The following SYT9 variants were observed in gnomAD, a reference collection of about 807,000 sequenced individuals.
The protein encoded by SYT9 is synaptotagmin 9, also known as synaptotagmin-9.
In SYT9, 22 loss-of-function variants were observed where a neutral mutation model predicts 48.4. The ratio of observed to expected loss-of-function variants is 0.45; its 90% CI spans 0.32 to 0.65. SYT9 has a LOEUF of 0.65. Among genes scored for constraint, SYT9 ranks in the 30% least tolerant of loss-of-function variants. SYT9 has a pLI of 0.03. For missense variants in SYT9, 577 were observed against 622.0 expected (o/e 0.93, Z 0.77); for synonymous variants, 265 against 245.0 (o/e 1.08, Z -0.76).
At chr11:7,438,058 G>GGT (rs1378541335) in intron 6 of SYT9, 1 of 152,200 alleles carries the variant, frequency 6.6e-6, no homozygotes, top group African/African-American at 2.4e-5. Flanking sequence ...TAAAGAGTCT[G>GGT]GTGGGGGAGT....
At chr11:7,369,088 C>T (rs571348295) in intron 3 of SYT9, among the ~76,000 whole-genome samples, 1 of 152,338 alleles carries the variant, frequency 6.6e-6, no homozygotes, top group Admixed American at 6.5e-5. Flanking sequence ...AACTAATTTA[C>T]ACTCCCATCA....
At chr11:7,296,253 G>A (rs1848805476) in intron 1 of SYT9, among the ~76,000 whole-genome samples, 1 of 152,170 alleles carries the variant, frequency 6.6e-6, no homozygotes, top group Non-Finnish European at 1.5e-5. Context: ...ATGTTAAAAT[G>A]CATATCTTGA....
chr11:7,380,212 T>A (rs1394690223), intron 3 of SYT9, among the ~76,000 whole-genome samples: 5 of 152,082 alleles, frequency 3.3e-5, no homozygotes, highest in African/African-American at 1.2e-4. Context: ...ACATCATATG[T>A]TCTTATTTGT....
intron 1 of SYT9, among the ~76,000 whole-genome samples, chr11:7,254,131 G>T (rs953640216): frequency 2.0e-5 from 3 of 152,140 alleles, no homozygotes; most frequent in African/African-American, 7.2e-5. Flanking sequence ...CACTAAGTAG[G>T]CTTCTTACAA....
chr11:7,310,981 G>C (rs1849122746), intron 2 of SYT9, among the ~76,000 whole-genome samples: 1 of 152,156 alleles, frequency 6.6e-6, no homozygotes, highest in African/African-American at 2.4e-5. Flanking sequence ...CTACTAAGTA[G>C]CCAAATCCAT....
chr11:7,390,951 G>A (rs1407062239), intron 3 of SYT9, among the ~76,000 whole-genome samples: 1 of 152,092 alleles, frequency 6.6e-6, no homozygotes, highest in Non-Finnish European at 1.5e-5. Flanking sequence ...TGTCCAATAG[G>A]AAGCTTTTCG....
intron 1 of SYT9, among the ~76,000 whole-genome samples, chr11:7,239,076 C>G (rs532416286): frequency 6.6e-6 from 1 of 152,194 alleles, no homozygotes; most frequent in South Asian, 2.1e-4. Context: ...CTGATTTACT[C>G]CAGGATATTC....
intron 3 of SYT9, among the ~76,000 whole-genome samples, chr11:7,343,106 G>A (rs1564869737): frequency 6.6e-6 from 1 of 152,206 alleles, no homozygotes; most frequent in Non-Finnish European, 1.5e-5. Context: ...AGGCCTCTAG[G>A]CCTGTGATGG....
intron 3 of SYT9, among the ~76,000 whole-genome samples, chr11:7,383,110 A>G (rs556190802): frequency 3.3e-5 from 5 of 152,312 alleles, no homozygotes; most frequent in African/African-American, 1.2e-4. Flanking sequence ...TTCTGAGAAA[A>G]TAGGATGATC....
chr11:7,463,982 A>T (rs1357420771), intron 6 of SYT9, among the ~76,000 whole-genome samples: 2 of 152,200 alleles, frequency 1.3e-5, no homozygotes, highest in Admixed American at 1.3e-4. Flanking sequence ...CTGGTAAAAA[A>T]AATTGGCTAA....
chr11:7,328,433 A>G (rs1849473554), intron 3 of SYT9, among the ~76,000 whole-genome samples: 1 of 152,094 alleles, frequency 6.6e-6, no homozygotes, highest in Non-Finnish European at 1.5e-5. Context: ...TTACTTGTTT[A>G]GTACTTTCCT....
At chr11:7,337,023 G>A (rs1286305503) in intron 3 of SYT9, among the ~76,000 whole-genome samples, 1 of 152,052 alleles carries the variant, frequency 6.6e-6, no homozygotes, top group African/African-American at 2.4e-5. Flanking sequence ...TGATTTCTTT[G>A]AGCAGTATTT....
Position 7,308,972 on chromosome 11 carries a change from C to G in SYT9, c.498-4423C>G, listed in dbSNP as rs1318518877. ...TTGTACCTCTGGGATTCTGGCCTTT[C>G]CTGAACTATGGCTGCAACTCAGCAC... On this transcript the variant is annotated intron_variant, in intron 2 of 6. Transcript: ENST00000318881. Among the ~76,000 whole-genome samples the G allele has an allele frequency of 5.3e-5, 8 of 152,292 alleles. No individual in the cohort carries two copies. The East Asian group carries it at 1.5e-3, about 29-fold the overall frequency.
At chr11:7,300,316 A>G (rs1212343890) in intron 1 of SYT9, among the ~76,000 whole-genome samples, 3 of 152,210 alleles carry the variant, frequency 2.0e-5, no homozygotes, top group African/African-American at 7.2e-5. Flanking sequence ...CTGGAAGATC[A>G]GCTCTTATCT....
intron 6 of SYT9, among the ~76,000 whole-genome samples, chr11:7,447,321 C>T (rs1847952762): frequency 1.3e-5 from 2 of 152,182 alleles, no homozygotes; most frequent in African/African-American, 4.8e-5. Flanking sequence ...TTAGAGGGCA[C>T]ACAGAGGCCT....
intron 4 of SYT9, among the ~76,000 whole-genome samples, chr11:7,416,678 C>T (rs780400551): frequency 6.6e-6 from 1 of 152,056 alleles, no homozygotes; most frequent in African/African-American, 2.4e-5. Context: ...GGAGAATGTG[C>T]GTAGGTTATA....
intron 6 of SYT9, among the ~76,000 whole-genome samples, chr11:7,426,403 C>G (rs529236899): frequency 6.6e-6 from 1 of 152,282 alleles, no homozygotes; most frequent in East Asian, 1.9e-4. Flanking sequence ...CCACTCAATG[C>G]TTGGCCTGGG....
At chr11:7,363,563 G>T (rs186703449) in intron 3 of SYT9, among the ~76,000 whole-genome samples, 25 of 152,264 alleles carry the variant, frequency 1.6e-4, no homozygotes, top group Admixed American at 2.6e-4. Flanking sequence ...TGAACATATT[G>T]AAGGCTTGGG....
chr11:7,306,217 T>C (rs746254357), intron 2 of SYT9, among the ~76,000 whole-genome samples: 6 of 152,200 alleles, frequency 3.9e-5, no homozygotes, highest in Non-Finnish European at 7.3e-5. Flanking sequence ...ACTCCAAATG[T>C]ATGAAAATCC....
Sources: gnomAD v4.1 joint callset for allele counts (sites outside exome capture counted in the v4.1 genomes callset) on GRCh38, gnomAD v4.1.1 for gene constraint, MANE v1.5 for transcripts, NCBI Gene and HGNC (gene_info 2026-07-23, HGNC 2026-07-21) for gene names.